LRRTM4: variants seen among roughly 807,000 people sequenced by gnomAD.
LRRTM4 encodes leucine-rich repeat transmembrane neuronal protein 4.
A neutral mutation model predicts 47.6 loss-of-function variants in LRRTM4; 25 were observed. That is an observed-to-expected ratio of 0.53 (90% CI 0.38 to 0.73). The LOEUF is 0.73. Among genes scored for constraint, LRRTM4 ranks in the 30% least tolerant of loss-of-function variants. The pLI, the probability that LRRTM4 is intolerant of heterozygous loss-of-function variation, is 0.00. For synonymous variants in LRRTM4, 311 were observed against 269.5 expected (o/e 1.15, Z -1.51); for missense variants, 638 against 713.4 (o/e 0.89, Z 1.20).
intron 3 of LRRTM4, among the ~76,000 whole-genome samples, chr2:77,361,202 C>G (rs1399716384): frequency 6.6e-6 from 1 of 151,554 alleles, no homozygotes; most frequent in Non-Finnish European, 1.5e-5. Context: ...CACCCACTCA[C>G]TTCTCTTAGC....
intron 3 of LRRTM4, among the ~76,000 whole-genome samples, chr2:77,108,676 C>T (rs1037691064): frequency 1.3e-5 from 2 of 151,150 alleles, no homozygotes; most frequent in South Asian, 2.1e-4. Flanking sequence ...CTCCGCCTCC[C>T]GGGTTCACGC....
intron 3 of LRRTM4, among the ~76,000 whole-genome samples, chr2:77,254,729 C>A (rs1430198780): frequency 2.0e-5 from 3 of 151,556 alleles, no homozygotes; most frequent in African/African-American, 4.8e-5. Flanking sequence ...ATGTTGATAG[C>A]AGTAGACCTT....
At chr2:77,110,668 C>A (rs34101243) in intron 3 of LRRTM4, among the ~76,000 whole-genome samples, 56,878 of 151,750 alleles carry the variant, frequency 0.37, 11,529 homozygotes, top group Non-Finnish European at 0.45. Context: ...GTGAAATATA[C>A]CATGCAATAT....
intron 3 of LRRTM4, among the ~76,000 whole-genome samples, chr2:77,062,248 A>G (rs1384013336): frequency 6.6e-6 from 1 of 152,140 alleles, no homozygotes; most frequent in Non-Finnish European, 1.5e-5. Context: ...TCTAAAATCT[A>G]CCAAAATGGA....
intron 3 of LRRTM4, among the ~76,000 whole-genome samples, chr2:76,776,217 T>C (rs954091025): frequency 6.6e-6 from 1 of 152,214 alleles, no homozygotes; most frequent in African/African-American, 2.4e-5. Flanking sequence ...GCAATAAACA[T>C]ACATGTGCAT....
At chr2:76,905,216 C>T (rs1219652277) in intron 3 of LRRTM4, among the ~76,000 whole-genome samples, 8 of 152,152 alleles carry the variant, frequency 5.3e-5, no homozygotes, top group South Asian at 2.1e-4. Flanking sequence ...CTGCAGACAC[C>T]GCTGCTGATA....
At chr2:77,242,065 T>C (rs1488399828) in intron 3 of LRRTM4, among the ~76,000 whole-genome samples, 1 of 152,180 alleles carries the variant, frequency 6.6e-6, no homozygotes, top group Non-Finnish European at 1.5e-5. Context: ...TTTGAAAATC[T>C]GGAAATATGA....
chr2:77,242,498 A>G (rs1221673409), intron 3 of LRRTM4, among the ~76,000 whole-genome samples: 2 of 152,086 alleles, frequency 1.3e-5, no homozygotes, highest in Non-Finnish European at 2.9e-5. Flanking sequence ...TTCAAAATGG[A>G]CAAATAACTT....
At chr2:76,922,992 G>C (rs760941258) in intron 3 of LRRTM4, among the ~76,000 whole-genome samples, 37 of 152,070 alleles carry the variant, frequency 2.4e-4, no homozygotes, top group South Asian at 8.3e-4. Flanking sequence ...CTATAAATTA[G>C]CTTATTTAGG....
In LRRTM4 at chr2:77,077,712, A is replaced by G. The variant is rs77835279; in HGVS notation, c.1552-328796T>C. 8.9e-3 allele frequency among the ~76,000 whole-genome samples: 1,355 copies of G among 152,272 alleles called. 23 individuals carry two copies. The highest frequency in any genetic ancestry group is 0.031 in the African/African-American group (1,292 of 41,568). The stretch of plus-strand genomic sequence containing the variant: ...ATGGAGAATGGGAATAACTAGCTCT[A>G]AAACATAGAGTATGTTTTTGGGAAA... On this transcript the variant is annotated intron_variant, in intron 3 of 3. Transcript: ENST00000409884.
At chr2:77,069,825 T>C (rs1392249577) in intron 3 of LRRTM4, among the ~76,000 whole-genome samples, 1 of 152,210 alleles carries the variant, frequency 6.6e-6, no homozygotes, top group Non-Finnish European at 1.5e-5. Context: ...ATCACATTCT[T>C]TAGCTTTATC....
At chr2:77,066,663 T>G (rs13030053) in intron 3 of LRRTM4, among the ~76,000 whole-genome samples, 75 of 152,258 alleles carry the variant, frequency 4.9e-4, no homozygotes, top group Non-Finnish European at 9.6e-4. Flanking sequence ...TAGAGAGAGG[T>G]ATACAAATCG....
chr2:76,928,244 A>G (rs1558743550), intron 3 of LRRTM4, among the ~76,000 whole-genome samples: 1 of 152,192 alleles, frequency 6.6e-6, no homozygotes, highest in South Asian at 2.1e-4. Flanking sequence ...ATAAAATAAA[A>G]ATTCAGTGTT....
intron 3 of LRRTM4, among the ~76,000 whole-genome samples, chr2:76,932,037 C>T (rs953916497): frequency 7.2e-5 from 11 of 152,116 alleles, no homozygotes; most frequent in Non-Finnish European, 1.5e-4. Flanking sequence ...TTGATGACTT[C>T]GATCAGTAAC....
chr2:77,504,912 A>AT, intron 3 of LRRTM4, among the ~76,000 whole-genome samples: 1 of 151,564 alleles, frequency 6.6e-6, no homozygotes. Flanking sequence ...AAAATTTATA[A>AT]TTTTTTCTCA....
At chr2:76,983,874 C>A (rs937438642) in intron 3 of LRRTM4, among the ~76,000 whole-genome samples, 1 of 151,986 alleles carries the variant, frequency 6.6e-6, no homozygotes, top group African/African-American at 2.4e-5. Flanking sequence ...CTAATCAAAT[C>A]GGTGATACTG....
chr2:77,049,666 GTTTCTTA>G (rs1224346897), intron 3 of LRRTM4, among the ~76,000 whole-genome samples: 1 of 150,982 alleles, frequency 6.6e-6, no homozygotes, highest in African/African-American at 2.5e-5. Flanking sequence ...ACTTGCTTGA[GTTTCTTA>G]TTTATTATTA....
At chr2:76,955,322 GT>G (rs1411727281) in intron 3 of LRRTM4, among the ~76,000 whole-genome samples, 2 of 151,756 alleles carry the variant, frequency 1.3e-5, no homozygotes, top group Admixed American at 6.6e-5. Flanking sequence ...TGACATCAAT[GT>G]AAAAAAGTCC....
At chr2:76,785,891 TTG>T (rs1674646324) in intron 3 of LRRTM4, among the ~76,000 whole-genome samples, 1 of 152,084 alleles carries the variant, frequency 6.6e-6, no homozygotes, top group South Asian at 2.1e-4. Context: ...AGAAAATGCC[TTG>T]TGTGTAGGCC....
Sources: allele counts gnomAD v4.1 joint callset (sites outside exome capture counted in the v4.1 genomes callset), GRCh38; gene constraint gnomAD v4.1.1; transcripts MANE v1.5; gene names NCBI Gene and HGNC (gene_info 2026-07-23, HGNC 2026-07-21).